The following PDE1A variants were observed in gnomAD, a reference collection of about 807,000 sequenced individuals.
PDE1A encodes dual specificity calcium/calmodulin-dependent 3',5'-cyclic nucleotide phosphodiesterase 1A.
PDE1A carries 35 observed loss-of-function variants against 61.7 expected under a neutral mutation model. The observed-to-expected ratio is 0.57, with a 90% CI of 0.43 to 0.75. PDE1A has a LOEUF of 0.75. PDE1A is among the 30% of genes least tolerant of loss of function. PDE1A has a pLI of 0.00. For synonymous variants in PDE1A, 232 were observed against 213.2 expected (o/e 1.09, Z -0.77); for missense variants, 597 against 630.6 (o/e 0.95, Z 0.57).
At position 182,382,709 on chromosome 2, in the gene PDE1A, A is replaced by C. The variant is rs540862656; in HGVS notation, c.53+43869T>G. On this transcript the variant is annotated intron_variant, in intron 1 of 13. Coordinates refer to ENST00000351439, the Ensembl canonical transcript of PDE1A. ...ACAGCTTAGTTTACTGTTTAGAAAA[A>C]AAAAAACTAAATTTTGAGGATATTT... 5.3e-5 allele frequency among the ~76,000 whole-genome samples: 8 copies of C among 152,312 alleles called. No individual in the cohort carries two copies. In the South Asian group the frequency reaches 1.7e-3, roughly 32 times the overall value.
the PDE1A span, among the ~76,000 whole-genome samples, chr2:182,529,286 G>A: frequency 1.3e-5 from 2 of 152,210 alleles, no homozygotes; most frequent in South Asian, 4.1e-4. Context: ...GGAGTCAAAG[G>A]AGATCATTTT....
At chr2:182,153,105 G>A (rs976426273) in intron 13 of PDE1A, among the ~76,000 whole-genome samples, 1 of 151,954 alleles carries the variant, frequency 6.6e-6, no homozygotes, top group African/African-American at 2.4e-5. Context: ...GGTGATCTAC[G>A]GAAAATGAAA....
intron 2 of PDE1A, among the ~76,000 whole-genome samples, chr2:182,486,774 G>T (rs934480210): frequency 3.3e-5 from 5 of 151,968 alleles, no homozygotes; most frequent in African/African-American, 1.2e-4. Context: ...CATACACAAA[G>T]ATTAACTCAA....
intron 13 of PDE1A, among the ~76,000 whole-genome samples, chr2:182,149,420 A>C (rs895744533): frequency 6.6e-6 from 1 of 152,224 alleles, no homozygotes; most frequent in South Asian, 2.1e-4. Flanking sequence ...AATTCTGTAC[A>C]TGTGATTAGC....
the PDE1A span, among the ~76,000 whole-genome samples, chr2:182,621,246 TC>T: frequency 2.8e-4 from 42 of 152,342 alleles, no homozygotes; most frequent in African/African-American, 9.4e-4. Context: ...GGGCTATCCA[TC>T]CTTCTCTCTG....
the PDE1A span, among the ~76,000 whole-genome samples, chr2:182,619,736 A>G: frequency 1.3e-5 from 2 of 152,162 alleles, no homozygotes; most frequent in Non-Finnish European, 2.9e-5. Context: ...CTGAGTTTTC[A>G]TGGTGTCAGT....
chr2:182,626,736 T>C, the PDE1A span, among the ~76,000 whole-genome samples: 897 of 12,804 alleles, frequency 0.07, 173 homozygotes, highest in East Asian at 0.32. Context: ...TATATATATA[T>C]ACATATATAT....
At chr2:182,182,943 T>C (rs968627563) in intron 13 of PDE1A, among the ~76,000 whole-genome samples, 1 of 152,212 alleles carries the variant, frequency 6.6e-6, no homozygotes, top group Non-Finnish European at 1.5e-5. Flanking sequence ...ATTTTCTTAA[T>C]CTGGTAATGT....
In PDE1A at chr2:182,427,037, G is replaced by C. The variant is rs567265567; in HGVS notation, c.-407C>G. The C allele has an allele frequency of 2.0e-6, 2 of 994,386 alleles. No homozygotes were observed. The highest frequency in any genetic ancestry group is 1.7e-5 in the African/African-American group (1 of 57,696). The allele number at this position is 994,386 out of a possible 1,614,324, so 61.6% of individuals were successfully genotyped here. A position where few individuals can be genotyped will look rare whatever the true frequency, so the allele number is the denominator to read the frequency against. On this transcript the variant is annotated 5_prime_UTR_variant, in exon 1 of 14. Transcript: ENST00000351439. ...CCACATGCTGGTCAAGCTCCGAAAG[G>C]CTAAGTCCCTCCCTGTCTTTAAAAC... is the stretch of plus-strand genomic sequence containing the variant.
chr2:182,407,580 C>T (rs921818167), intron 1 of PDE1A, among the ~76,000 whole-genome samples: 12 of 152,168 alleles, frequency 7.9e-5, no homozygotes, highest in African/African-American at 2.7e-4. Context: ...CAGGGTTTCA[C>T]CATGTTGGCC....
At chr2:182,641,934 A>G in the PDE1A span, among the ~76,000 whole-genome samples, 76 of 152,332 alleles carry the variant, frequency 5.0e-4, no homozygotes, top group African/African-American at 1.7e-3. Flanking sequence ...CTAATTTACT[A>G]TGACGTACCT....
upstream of PDE1A, among the ~76,000 whole-genome samples, chr2:182,527,401 T>C (rs1690796139): frequency 1.7e-5 from 2 of 119,482 alleles, no homozygotes; most frequent in South Asian, 2.8e-4. Context: ...CACATATATA[T>C]ACACAAAAAA....
chr2:182,551,698 C>T, the PDE1A span, among the ~76,000 whole-genome samples: 1 of 151,934 alleles, frequency 6.6e-6, no homozygotes, highest in African/African-American at 2.4e-5. Flanking sequence ...CTGTGGTGAC[C>T]GGTATGAACA....
At chr2:182,322,792 G>A (rs1206319170) in intron 1 of PDE1A, among the ~76,000 whole-genome samples, 6 of 152,110 alleles carry the variant, frequency 3.9e-5, no homozygotes, top group East Asian at 1.9e-4. Context: ...ACAGATAGGT[G>A]AAACTATATT....
At chr2:182,458,721 T>C (rs1299951181) in intron 2 of PDE1A, among the ~76,000 whole-genome samples, 1 of 152,066 alleles carries the variant, frequency 6.6e-6, no homozygotes, top group Non-Finnish European at 1.5e-5. Context: ...GATTGGGAAA[T>C]TATGCTTATC....
At chr2:182,219,528 A>T (rs1187634925) in intron 7 of PDE1A, among the ~76,000 whole-genome samples, 1 of 152,116 alleles carries the variant, frequency 6.6e-6, no homozygotes, top group Non-Finnish European at 1.5e-5. Flanking sequence ...GAATATTGAC[A>T]ACAAATATAG....
At position 182,402,935 on chromosome 2, in the gene PDE1A, C is replaced by G. The variant is rs574080809; in HGVS notation, c.53+23643G>C. Reference sequence around the variant, plus strand: ...CAAACATGAAAAAAGTTGATCATCACTGGTCATTAGAGAAATGCAAATCAA... The same window carrying G: ...CAAACATGAAAAAAGTTGATCATCAGTGGTCATTAGAGAAATGCAAATCAA... On this transcript the variant is annotated intron_variant, in intron 1 of 13. Transcript: ENST00000351439. 5.9e-5 allele frequency among the ~76,000 whole-genome samples: 9 copies of G among 152,300 alleles called. No individual in the cohort carries two copies. In the South Asian group the frequency reaches 1.9e-3, roughly 32 times the overall value.
At chr2:182,686,565 C>T in the PDE1A span, among the ~76,000 whole-genome samples, 14 of 152,186 alleles carry the variant, frequency 9.2e-5, no homozygotes, top group African/African-American at 2.4e-4. Context: ...CCAAGATGGC[C>T]GAATAGGAAC....
the PDE1A span, among the ~76,000 whole-genome samples, chr2:182,578,203 T>G: frequency 6.6e-6 from 1 of 152,114 alleles, no homozygotes; most frequent in East Asian, 1.9e-4. Flanking sequence ...CCTTCTAAAC[T>G]CCCTTCTACT....
Sources: gnomAD v4.1 joint callset for allele counts (sites outside exome capture counted in the v4.1 genomes callset) on GRCh38, gnomAD v4.1.1 for gene constraint, MANE v1.5 for transcripts, NCBI Gene and HGNC (gene_info 2026-07-23, HGNC 2026-07-21) for gene names.